HECTD2: variants seen among roughly 807,000 people sequenced by gnomAD.
The protein encoded by HECTD2 is probable E3 ubiquitin-protein ligase HECTD2.
Under a neutral mutation model 103.2 loss-of-function variants are expected in HECTD2, and 35 were observed. The observed-to-expected ratio is 0.34, with a 90% CI of 0.26 to 0.45. The LOEUF (loss-of-function observed/expected upper bound fraction) is 0.45. HECTD2 is among the 20% of genes least tolerant of loss of function. The pLI is 1.00. For synonymous variants in HECTD2, 281 were observed against 329.9 expected (o/e 0.85, Z 1.61); for missense variants, 596 against 937.4 (o/e 0.64, Z 4.76).
chr10:91,463,285 TAAGG>T (rs1372643537), intron 5 of HECTD2: 2 of 151,772 alleles, frequency 1.3e-5, no homozygotes, highest in Non-Finnish European at 2.9e-5. Flanking sequence ...TAAGAAAAAA[TAAGG>T]AAGATAAAAT....
Position 91,498,975 on chromosome 10 carries a change from T to G in HECTD2, c.1843+16T>G. The G allele has an allele frequency of 6.4e-7, 1 of 1,568,382 alleles. No homozygotes were observed. Among genetic ancestry groups the G allele is most frequent in the Non-Finnish European group, 8.8e-7 (1 of 1,141,152 alleles). ...AATAGAAAAGGTAAGTTAATACCCT[T>G]TTTAATTAAAATGAATTAGTATTTG... is the stretch of plus-strand genomic sequence containing the variant. On this transcript the variant is annotated intron_variant, in intron 17 of 20. Transcript: ENST00000298068.
intron 20 of HECTD2, among the ~76,000 whole-genome samples, chr10:91,509,839 C>G (rs1023505893): frequency 6.6e-6 from 1 of 152,060 alleles, no homozygotes; most frequent in African/African-American, 2.4e-5. Flanking sequence ...TACTTATTAC[C>G]TGGGTGATGA....
chr10:91,466,055 C>G (rs769016843), intron 5 of HECTD2, among the ~76,000 whole-genome samples: 10 of 152,136 alleles, frequency 6.6e-5, no homozygotes, highest in Non-Finnish European at 1.3e-4. Context: ...TTAAAGCCAT[C>G]TGGGCCTGGT....
intron 5 of HECTD2, chr10:91,463,572 C>G (rs958079631): frequency 2.0e-5 from 3 of 152,110 alleles, no homozygotes; most frequent in African/African-American, 7.2e-5. Context: ...AGAGTTTTAT[C>G]TCCTTCTAAT....
chr10:91,495,378 A>T (rs1003601793), intron 14 of HECTD2, among the ~76,000 whole-genome samples: 1 of 152,002 alleles, frequency 6.6e-6, no homozygotes, highest in African/African-American at 2.4e-5. Flanking sequence ...TTATTATCAG[A>T]CTTCATTACA....
rs112790924 is a variant in HECTD2, at chr10:91,500,670, AGT to A, written c.2066+57_2066+58del. On this transcript the variant is annotated intron_variant, in intron 19 of 20. Coordinates refer to ENST00000298068, the MANE Select transcript of HECTD2 (RefSeq NM_182765.6). Reference sequence around the variant, plus strand: ...GGGATGTGGAGAGGGAACAGCAGACAGTGTGGTTCATTTATTTGCATAACTTA... The same window carrying A: ...GGGATGTGGAGAGGGAACAGCAGACAGTGGTTCATTTATTTGCATAACTTA... 38 of 845,292 alleles carry A rather than the reference AGT, an allele frequency of 4.5e-5. No homozygotes were observed. The Middle Eastern group carries it at 8.9e-4, about 20-fold the overall frequency. The allele number at this position is 845,292 out of a possible 1,614,324, so 52.4% of individuals were successfully genotyped here.
At position 91,410,554 on chromosome 10, in the gene HECTD2, C is replaced by G; in HGVS notation, c.116C>G (p.Ser39Trp). 6.9e-7 allele frequency: 1 copy of G among 1,439,310 alleles called. No individual in the cohort carries two copies. Among genetic ancestry groups the G allele is most frequent in the Non-Finnish European group, 9.1e-7 (1 of 1,095,464 alleles). 89.2% of individuals were successfully genotyped at this position (1,439,310 alleles called of 1,614,324 possible). Residue 39 changes from serine to tryptophan, a missense_variant, in exon 1 of 21, where the codon TCG becomes TGG. Transcript: ENST00000298068. ...CGCGAGAAGCTGCCGCCCATCGTAT[C>G]GGCGGGCGCCGGCGCGACCGCGGTA... is the stretch of plus-strand genomic sequence containing the variant. Reference protein sequence around the residue: ...SEREKLPPIVSAGAGATAGLD... With the variant: ...SEREKLPPIVWAGAGATAGLD...
At chr10:91,439,828 T>C (rs1844319424) in intron 2 of HECTD2, among the ~76,000 whole-genome samples, 1 of 152,178 alleles carries the variant, frequency 6.6e-6, no homozygotes, top group South Asian at 2.1e-4. Flanking sequence ...CTAGGTATTT[T>C]ATTCTCTTTG....
intron 2 of HECTD2, among the ~76,000 whole-genome samples, chr10:91,457,764 G>A (rs189722832): frequency 6.6e-6 from 1 of 152,092 alleles, no homozygotes; most frequent in Admixed American, 6.6e-5. Flanking sequence ...TCTGCTCTCA[G>A]CACTCTTATT....
intron 14 of HECTD2, 94 bp from the exon 15 acceptor site, chr10:91,496,120 T>C (rs1846653670): frequency 4.0e-6 from 3 of 749,098 alleles, no homozygotes; most frequent in South Asian, 4.8e-5. Flanking sequence ...GTGTTAAATC[T>C]GAAAGAAGTA....
rs374135734 is a variant in HECTD2, at chr10:91,512,412, A to G, written c.*28A>G. The G allele has an allele frequency of 2.1e-5, 34 of 1,596,578 alleles. No homozygotes were observed. Among genetic ancestry groups the G allele is most frequent in the Non-Finnish European group, 2.8e-5 (33 of 1,166,528 alleles). On this transcript the variant is annotated 3_prime_UTR_variant, in exon 21 of 21. Transcript: ENST00000298068. ...TAGAAGACTTGAAATATAATCTTTT[A>G]TATGTAGCATTCACTTCCCTCTTAC... is the stretch of plus-strand genomic sequence containing the variant.
At chr10:91,462,493 A>G in intron 5 of HECTD2, 1 of 1,147,022 alleles carries the variant, frequency 8.7e-7, no homozygotes, top group Non-Finnish European at 1.1e-6. Flanking sequence ...TCTGTAGATC[A>G]GTGGTTCTTA....
intron 1 of HECTD2, among the ~76,000 whole-genome samples, chr10:91,413,555 C>T (rs1422787922): frequency 6.6e-6 from 1 of 152,212 alleles, no homozygotes; most frequent in Non-Finnish European, 1.5e-5. Flanking sequence ...GGATGTTGCT[C>T]AGGCATCTTT....
At position 91,498,779 on chromosome 10, in the gene HECTD2, GA is replaced by G. The variant is rs558269402; in HGVS notation, c.1756-86del. 720 of 706,948 alleles carry G rather than the reference GA, an allele frequency of 1.0e-3. 4 individuals carry two copies. Among genetic ancestry groups the G allele is most frequent in the South Asian group, 6.1e-3 (311 of 50,728 alleles). The allele number at this position is 706,948 out of a possible 1,614,324, so 43.8% of individuals were successfully genotyped here. ...AGTTTATGTGTTTAGAAGGAAGGGG[GA>G]AAAAAACTGTTTTTTAAATTTTACA... On this transcript the variant is annotated intron_variant, in intron 16 of 20. Transcript: ENST00000298068.
intron 20 of HECTD2, among the ~76,000 whole-genome samples, chr10:91,510,357 G>C (rs952094450): frequency 2.6e-5 from 4 of 152,150 alleles, no homozygotes; most frequent in Non-Finnish European, 5.9e-5. Flanking sequence ...ATCATCCAAA[G>C]AGTCAGGCTT....
intron 6 of HECTD2, among the ~76,000 whole-genome samples, chr10:91,480,498 T>G (rs1038714478): frequency 2.0e-5 from 3 of 151,794 alleles, no homozygotes; most frequent in African/African-American, 7.3e-5. Flanking sequence ...CAGATATCTG[T>G]GAGAATGTAC....
At chr10:91,507,964 G>A (rs1473454229) in intron 20 of HECTD2, among the ~76,000 whole-genome samples, 5 of 138,754 alleles carry the variant, frequency 3.6e-5, no homozygotes, top group South Asian at 2.1e-4. Context: ...CAGAAATAAT[G>A]CCGCATATGT....
At chr10:91,434,807 A>G (rs552608730) in intron 2 of HECTD2, among the ~76,000 whole-genome samples, 1 of 152,138 alleles carries the variant, frequency 6.6e-6, no homozygotes, top group African/African-American at 2.4e-5. Flanking sequence ...TACAAACTGT[A>G]CAATCCTAGA....
At chr10:91,503,915 C>G (rs191620090) in intron 20 of HECTD2, among the ~76,000 whole-genome samples, 2 of 152,190 alleles carry the variant, frequency 1.3e-5, no homozygotes, top group Non-Finnish European at 2.9e-5. Context: ...TCTCCTAGTA[C>G]GCAGCTGGAG....
Sources: gnomAD v4.1 joint callset for allele counts (sites outside exome capture counted in the v4.1 genomes callset) on GRCh38, gnomAD v4.1.1 for gene constraint, MANE v1.5 for transcripts, NCBI Gene and HGNC (gene_info 2026-07-23, HGNC 2026-07-21) for gene names.